Variants in ITGB1 observed in about 807,000 individuals in gnomAD.
ITGB1 encodes integrin subunit beta 1.
A neutral mutation model predicts 86.5 loss-of-function variants in ITGB1; 24 were observed. That is an observed-to-expected ratio of 0.28 (90% CI 0.20 to 0.39). The LOEUF (loss-of-function observed/expected upper bound fraction) is 0.39, where lower values mean the gene tolerates loss of function less well. Among genes scored for constraint, ITGB1 ranks in the 10% least tolerant of loss-of-function variants. ITGB1 has a pLI of 1.00. For missense variants in ITGB1, 556 were observed against 946.9 expected, an observed-to-expected ratio of 0.59 and a Z score of 5.42; for synonymous variants, 323 against 316.8, an observed-to-expected ratio of 1.02 and a Z score of -0.21.
rs973259333 is a variant in ITGB1 at position 32,954,733 on chromosome 10, G to A, written c.-1+3412C>T. The stretch of plus-strand genomic sequence containing the variant: ...CTATAAGAAATACATACATATATGT[G>A]CTTGTGTGTATGTGTGTATATACAT... On this transcript the variant is annotated intron_variant, in intron 1 of 15. Coordinates refer to ENST00000302278, the MANE Select transcript of ITGB1 (RefSeq NM_002211.4). Among the ~76,000 whole-genome samples the A allele has an allele frequency of 2.0e-5, 3 of 152,094 alleles. No individual in the cohort carries two copies. The South Asian group carries it at 6.2e-4, about 32-fold the overall frequency.
Position 32,910,473 on chromosome 10 carries a change from AATTATGATATTT to A in ITGB1, c.1932-30_1932-19del. 6.8e-7 allele frequency: 1 copy of A among 1,469,752 alleles called. No homozygotes were observed. Among genetic ancestry groups the A allele is most frequent in the Non-Finnish European group, 9.4e-7 (1 of 1,064,194 alleles). 91.0% of individuals were successfully genotyped at this position (1,469,752 alleles called of 1,614,324 possible). Reference sequence around the variant, plus strand: ...CACATTCTCTGTTACAAAAAACACAAATTATGATATTTACATTTTATTATTTCAGTAAATATT... The same window carrying A: ...CACATTCTCTGTTACAAAAAACACAAACATTTTATTATTTCAGTAAATATT... On this transcript the variant is annotated intron_variant, in intron 13 of 15. Transcript: ENST00000302278.
At position 32,956,305 on chromosome 10, in the gene ITGB1, G is replaced by A. The variant is rs185877932; in HGVS notation, c.-1+1840C>T. ...TAATCATTTCTAAAATTGGTCTACT[G>A]TATAACCTATCGTAAAGGACGTATG... On this transcript the variant is annotated intron_variant, in intron 1 of 15. Transcript: ENST00000302278. 6.6e-5 allele frequency among the ~76,000 whole-genome samples: 10 copies of A among 151,702 alleles called. No homozygotes were observed. The East Asian group carries it at 2.0e-3, about 30-fold the overall frequency.
intron 15 of ITGB1, chr10:32,907,220 GT>G: frequency 6.3e-6 from 3 of 477,542 alleles, no homozygotes; most frequent in South Asian, 2.0e-5. Flanking sequence ...CACTATAAAT[GT>G]CTTTTTTTTT....
At chr10:32,921,008 G>A (rs2503994) in intron 9 of ITGB1, among the ~76,000 whole-genome samples, 124,687 of 151,178 alleles carry the variant, frequency 0.82, 52,125 homozygotes, top group Non-Finnish European at 0.9. Flanking sequence ...AACAAAAACA[G>A]AAACCCCCCA....
In ITGB1 at chr10:32,908,368, C is replaced by G; in HGVS notation, c.2331G>C (p.Thr777=). 1 of 1,613,720 alleles carries G rather than the reference C, an allele frequency of 6.2e-7. No individual in the cohort carries two copies. Among genetic ancestry groups the G allele is most frequent in the Non-Finnish European group, 8.5e-7 (1 of 1,179,732 alleles). The part of the protein sequence containing the change: ...EKEKMNAKWD[T]GENPIYKSAV... ...GCTTTTTGGATGTTTTGTAACTTACCGTGTCCCATTTGGCATTCATTTTCT... is the reference window on the plus strand; with the variant it reads ...GCTTTTTGGATGTTTTGTAACTTACGGTGTCCCATTTGGCATTCATTTTCT... The change falls in exon 15 of 16, where the codon ACG becomes ACC. Residue 777 remains threonine, a splice_region_variant and synonymous_variant. Coordinates refer to ENST00000302278, the MANE Select transcript of ITGB1 (RefSeq NM_002211.4).
intron 1 of ITGB1, chr10:32,944,712 A>G: frequency 1.5e-6 from 1 of 687,128 alleles, no homozygotes; most frequent in South Asian, 1.4e-5. Context: ...TAGACAGACA[A>G]AGTGATTAGC....
At chr10:32,902,940 T>C (rs2094885563) in intron 15 of ITGB1, among the ~76,000 whole-genome samples, 1 of 152,146 alleles carries the variant, frequency 6.6e-6, no homozygotes. Context: ...TAAGGAGATT[T>C]TCATTGTGAA....
chr10:32,944,981 C>T, intron 1 of ITGB1: 1 of 927,276 alleles, frequency 1.1e-6, no homozygotes, highest in Non-Finnish European at 1.7e-6. Flanking sequence ...ACAAAGAAGC[C>T]AGAAAGCTGC....
intron 2 of ITGB1, 196 bp from the exon 3 acceptor site, chr10:32,932,796 G>A (rs1348373634): frequency 8.6e-6 from 4 of 467,716 alleles, no homozygotes; most frequent in African/African-American, 5.9e-5. Flanking sequence ...GTAAATAGGT[G>A]TATACATGTA....
At chr10:32,908,611 C>A (rs925474739) in intron 14 of ITGB1, 77 bp from the exon 15 acceptor site, 3 of 1,259,322 alleles carry the variant, frequency 2.4e-6, no homozygotes, top group Non-Finnish European at 3.4e-6. Flanking sequence ...GGAATAAACA[C>A]CCAAGAGAGT....
chr10:32,920,730 T>C (rs1405534305), intron 9 of ITGB1, among the ~76,000 whole-genome samples: 1 of 150,882 alleles, frequency 6.6e-6, no homozygotes, highest in Admixed American at 6.6e-5. Flanking sequence ...CCCAGCACTT[T>C]GGGAGGCCAA....
chr10:32,904,227 G>T (rs1029655924), intron 15 of ITGB1, among the ~76,000 whole-genome samples: 7 of 152,040 alleles, frequency 4.6e-5, no homozygotes, highest in Admixed American at 1.3e-4. Flanking sequence ...TTAAATGAAG[G>T]TAAACTAAAA....
chr10:32,950,115 T>C (rs1408482725), intron 1 of ITGB1, among the ~76,000 whole-genome samples: 1 of 152,116 alleles, frequency 6.6e-6, no homozygotes, highest in African/African-American at 2.4e-5. Flanking sequence ...CTCCTAAAAA[T>C]TATAATAAAC....
Position 32,910,445 on chromosome 10 carries a change from G to C in ITGB1, c.1942C>G (p.Gln648Glu). ...TCTCCTTTATTGAAGGCTCTGCACT[G>C]AACACATTCTCTGTTACAAAAAACA... ...GVCAEHKECV[Q>E]CRAFNKGEKK... Residue 648 changes from glutamine to glutamate, a missense_variant, in exon 14 of 16, where the codon CAG (glutamine) becomes GAG (glutamate). Gln to Glu is a conservative substitution (Grantham distance 29). Coordinates refer to ENST00000302278, the MANE Select transcript of ITGB1 (RefSeq NM_002211.4). The C allele has an allele frequency of 1.3e-6, 2 of 1,569,094 alleles. No homozygotes were observed. The highest frequency in any genetic ancestry group is 1.7e-6 in the Non-Finnish European group (2 of 1,152,016).
intron 5 of ITGB1, 143 bp downstream of exon 5, chr10:32,927,951 A>G: frequency 1.8e-6 from 1 of 543,294 alleles, no homozygotes; most frequent in Admixed American, 3.3e-5. Context: ...CTGGAATATC[A>G]ACTTCCACTC....
chr10:32,935,745 GCACCTACACTGCGAAAATAAC>G, intron 1 of ITGB1, 187 bp from the exon 2 acceptor site: 1 of 480,726 alleles, frequency 2.1e-6, no homozygotes, highest in Non-Finnish European at 3.7e-6. Flanking sequence ...CCCTCACCTT[GCACCTACACTGCGAAAATAAC>G]TTCCATACCA....
intron 1 of ITGB1, among the ~76,000 whole-genome samples, chr10:32,954,212 TA>T (rs375898159): frequency 1.9e-4 from 28 of 146,950 alleles, no homozygotes; most frequent in African/African-American, 4.5e-4. Context: ...ATGGTCACCT[TA>T]AAAAAAAAAA....
chr10:32,937,623 C>T (rs912175202), intron 1 of ITGB1, among the ~76,000 whole-genome samples: 15 of 140,266 alleles, frequency 1.1e-4, no homozygotes, highest in East Asian at 2.1e-4. Flanking sequence ...ATGAGAAGAA[C>T]GTGACTTTCT....
intron 1 of ITGB1, among the ~76,000 whole-genome samples, chr10:32,945,245 T>C (rs1020723020): frequency 3.3e-5 from 5 of 152,178 alleles, no homozygotes; most frequent in African/African-American, 1.2e-4. Context: ...GTCTTAACTT[T>C]TAAAACACGT....
Sources: gnomAD v4.1 joint callset for allele counts (sites outside exome capture counted in the v4.1 genomes callset) on GRCh38, gnomAD v4.1.1 for gene constraint, MANE v1.5 for transcripts, NCBI Gene and HGNC (gene_info 2026-07-23, HGNC 2026-07-21) for gene names.